ADAM9: variants seen among roughly 807,000 people sequenced by gnomAD.
ADAM9 encodes disintegrin and metalloproteinase domain-containing protein 9.
ADAM9 carries 54 observed loss-of-function variants against 108.1 expected under a neutral mutation model. The ratio of observed to expected loss-of-function variants is 0.50; its 90% confidence interval spans 0.40 to 0.63. ADAM9 has a LOEUF of 0.63. ADAM9 is among the 20% of genes least tolerant of loss of function. The pLI is 0.00. For missense variants in ADAM9, 830 were observed against 997.7 expected (o/e 0.83, Z 2.26); for synonymous variants, 316 against 336.0 (o/e 0.94, Z 0.65).
intron 14 of ADAM9, among the ~76,000 whole-genome samples, chr8:39,066,754 A>C (rs889689179): frequency 1.3e-5 from 2 of 152,124 alleles, no homozygotes; most frequent in African/African-American, 4.8e-5. Flanking sequence ...TCTTTAGTTT[A>C]ATTAGATCCT....
rs528928203 is a variant in ADAM9 at position 39,025,000 on chromosome 8, T to C, written c.915-803T>C. ...GGAATGAGTCTGGGTTATATTAATATTAGGGAAGAGAGGTCCAGGCGGAGG... is the reference window on the plus strand; with the variant it reads ...GGAATGAGTCTGGGTTATATTAATACTAGGGAAGAGAGGTCCAGGCGGAGG... On this transcript the variant is annotated intron_variant, in intron 9 of 21. Transcript: ENST00000487273. Among the ~76,000 whole-genome samples the C allele has an allele frequency of 7.2e-5, 11 of 152,220 alleles. No individual in the cohort carries two copies. The South Asian group carries it at 1.0e-3, about 14-fold the overall frequency.
At chr8:39,042,292 C>G (rs1373877688) in intron 12 of ADAM9, among the ~76,000 whole-genome samples, 175 bp downstream of exon 12, 2 of 152,174 alleles carry the variant, frequency 1.3e-5, no homozygotes, top group African/African-American at 4.8e-5. Flanking sequence ...TCCTTCTTCT[C>G]AGAGTATGAC....
chr8:39,020,595 C>T (rs2129433634), intron 7 of ADAM9, among the ~76,000 whole-genome samples: 1 of 152,206 alleles, frequency 6.6e-6, no homozygotes, highest in South Asian at 2.1e-4. Flanking sequence ...ATTTATTTGG[C>T]TTAAGATGGT....
chr8:39,104,582 A>G lies in ADAM9; in HGVS notation c.*882A>G, dbSNP rs1242748268. On this transcript the variant is annotated 3_prime_UTR_variant, in exon 22 of 22. Transcript: ENST00000487273. ...CAATCAATTGAACTTTTACAAAACC[A>G]CTTGAGAATTTCATGAGCACTTTAA... The G allele has an allele frequency of 9.7e-6, 4 of 411,696 alleles. No homozygotes were observed. Among genetic ancestry groups the G allele is most frequent in the East Asian group, 7.1e-5 (1 of 14,084 alleles). 25.5% of individuals were successfully genotyped at this position (411,696 alleles called of 1,614,324 possible). A position where few individuals can be genotyped will look rare whatever the true frequency, so the allele number is the denominator to read the frequency against.
chr8:39,051,504 T>C (rs969351468), intron 12 of ADAM9, among the ~76,000 whole-genome samples: 3 of 152,228 alleles, frequency 2.0e-5, no homozygotes, highest in Admixed American at 6.5e-5. Flanking sequence ...CTTTTAGATC[T>C]AGTAATTCTA....
chr8:39,076,346 T>C (rs1838849117), intron 15 of ADAM9: 1 of 152,204 alleles, frequency 6.6e-6, no homozygotes. Context: ...AAGATATCTG[T>C]GTAGTCTCAT....
rs191996488 is a variant in ADAM9, at chr8:39,080,872, T to G, written c.1882-1769T>G. Among the ~76,000 whole-genome samples the G allele has an allele frequency of 2.6e-5, 4 of 151,862 alleles. No individual in the cohort carries two copies. In the East Asian group the frequency reaches 7.8e-4, roughly 29 times the overall value. On this transcript the variant is annotated intron_variant, in intron 16 of 21. Coordinates refer to ENST00000487273, the MANE Select transcript of ADAM9 (RefSeq NM_003816.3). The stretch of plus-strand genomic sequence containing the variant: ...TTTGCTCTACTTGCTGCGTGGTGGT[T>G]GTTGGTGGTGGCCATGGGTGGTAGG...
At chr8:39,094,734 CTT>C (rs1230165435) in intron 20 of ADAM9, among the ~76,000 whole-genome samples, 1 of 151,906 alleles carries the variant, frequency 6.6e-6, no homozygotes, top group East Asian at 1.9e-4. Flanking sequence ...TCTTATAAAA[CTT>C]TCTATTTCTG....
At chr8:39,082,763 T>C in intron 17 of ADAM9, 42 bp downstream of exon 17, 2 of 1,512,704 alleles carry the variant, frequency 1.3e-6, no homozygotes, top group Non-Finnish European at 1.8e-6. Flanking sequence ...AAAGTAGTGC[T>C]AAATAATGAG....
chr8:39,078,628 A>G (rs1838924660), intron 16 of ADAM9, among the ~76,000 whole-genome samples: 1 of 152,152 alleles, frequency 6.6e-6, no homozygotes, highest in African/African-American at 2.4e-5. Flanking sequence ...CAGAAAATAC[A>G]AAAACTAGCC....
At chr8:39,070,857 A>G (rs1474743012) in intron 14 of ADAM9, among the ~76,000 whole-genome samples, 3 of 152,168 alleles carry the variant, frequency 2.0e-5, no homozygotes, top group Non-Finnish European at 4.4e-5. Context: ...CATCTAAACC[A>G]AGCATCCATA....
At chr8:39,078,720 G>T (rs1838927469) in intron 16 of ADAM9, among the ~76,000 whole-genome samples, 2 of 152,150 alleles carry the variant, frequency 1.3e-5, no homozygotes, top group Non-Finnish European at 1.5e-5. Context: ...GGCACAGGTT[G>T]CAGTGAGCCG....
At chr8:39,014,653 G>C in intron 4 of ADAM9, 1 of 692,420 alleles carries the variant, frequency 1.4e-6, no homozygotes, top group Non-Finnish European at 2.6e-6. Context: ...CTTTTTGGCA[G>C]TTAGGTATTA....
intron 11 of ADAM9, among the ~76,000 whole-genome samples, chr8:39,032,525 A>C (rs1401357414): frequency 6.6e-6 from 1 of 152,272 alleles, no homozygotes; most frequent in African/African-American, 2.4e-5. Context: ...GACCATTGGA[A>C]AAGCACAGTA....
At chr8:39,036,652 G>A (rs559954951) in intron 11 of ADAM9, among the ~76,000 whole-genome samples, 10 of 152,164 alleles carry the variant, frequency 6.6e-5, no homozygotes, top group Non-Finnish European at 1.3e-4. Flanking sequence ...TTCAAGCCCC[G>A]TATCAGGAGA....
intron 14 of ADAM9, among the ~76,000 whole-genome samples, chr8:39,056,118 A>G (rs1242961841): frequency 1.3e-5 from 2 of 152,102 alleles, no homozygotes; most frequent in African/African-American, 4.8e-5. Context: ...TGATATATTT[A>G]TATTATAGTA....
chr8:39,025,147 G>A (rs1189259175), intron 9 of ADAM9, among the ~76,000 whole-genome samples: 1 of 152,094 alleles, frequency 6.6e-6, no homozygotes, highest in East Asian at 1.9e-4. Flanking sequence ...CTGGAGTGCA[G>A]CGGTGCAGTC....
At chr8:39,058,530 A>T (rs1339104999) in intron 14 of ADAM9, among the ~76,000 whole-genome samples, 2 of 152,118 alleles carry the variant, frequency 1.3e-5, no homozygotes, top group Non-Finnish European at 2.9e-5. Context: ...GCCCTAAGGG[A>T]TCTCCGGCAT....
chr8:39,104,220 C>CT lies in ADAM9; in HGVS notation c.*521dup, dbSNP rs1839792764. 2.2e-6 allele frequency: 1 copy of CT among 453,822 alleles called. No homozygotes were observed. The highest frequency in any genetic ancestry group is 2.0e-5 in the African/African-American group (1 of 49,984). 28.1% of individuals were successfully genotyped at this position (453,822 alleles called of 1,614,324 possible). ...ACTCTAGAATCTTGTCTGTCACTCACTACATGAATAAGCAAATATTGTCTT... is the reference window on the plus strand; with the variant it reads ...ACTCTAGAATCTTGTCTGTCACTCACTTACATGAATAAGCAAATATTGTCTT... On this transcript the variant is annotated 3_prime_UTR_variant, in exon 22 of 22. Coordinates refer to ENST00000487273, the MANE Select transcript of ADAM9 (RefSeq NM_003816.3).
Sources: gnomAD v4.1 joint callset for allele counts (sites outside exome capture counted in the v4.1 genomes callset) on GRCh38, gnomAD v4.1.1 for gene constraint, MANE v1.5 for transcripts, NCBI Gene and HGNC (gene_info 2026-07-23, HGNC 2026-07-21) for gene names.